CYLC1: variants seen among roughly 807,000 people sequenced by gnomAD.
CYLC1 encodes cylicin-1.
CYLC1 carries 2 observed loss-of-function variants against 31.6 expected under a neutral mutation model. That is an observed-to-expected ratio of 0.06 (90% confidence interval 0.03 to 0.20). CYLC1 has a LOEUF of 0.20. CYLC1 is among the 10% of genes least tolerant of loss of function. The pLI, the probability that CYLC1 is intolerant of heterozygous loss-of-function variation, is 1.00. For missense variants in CYLC1, 595 were observed against 424.1 expected, an observed-to-expected ratio of 1.40 and a Z score of -3.54; for synonymous variants, 185 against 153.0, an observed-to-expected ratio of 1.21 and a Z score of -1.54.
chrX:83,885,469 T>TTA (rs890852109), intron 4 of CYLC1, among the ~76,000 whole-genome samples: 7 of 109,179 alleles, frequency 6.4e-5, no homozygotes, highest in African/African-American at 1.6e-4. Context: ...AATGCGACTA[T>TTA]TATATATATA....
In CYLC1 at chrX:83,874,336, C is replaced by A. The variant is rs1179025590; in HGVS notation, c.1628C>A (p.Thr543Asn). Residue 543 changes from threonine to asparagine, a missense_variant, in exon 4 of 5, where the codon ACT becomes AAT. Physicochemically the swap from Thr to Asn is moderately conservative, Grantham distance 65 (BLOSUM62 0). Coordinates refer to ENST00000329312, the MANE Select transcript of CYLC1 (RefSeq NM_021118.3). ...KTSTKIKGSD[T>N]ESEESLYKPG... ...TCTACAAAAATCAAAGGTTCAGATA[C>A]TGAATCTGAAGAGTCACTATATAAA... 5 of 1,208,857 alleles carry A rather than the reference C, an allele frequency of 4.1e-6. No homozygotes were observed. Among genetic ancestry groups the A allele is most frequent in the African/African-American group, 3.5e-5 (2 of 57,566 alleles).
intron 4 of CYLC1, among the ~76,000 whole-genome samples, chrX:83,875,569 A>G (rs2031746212): frequency 9.0e-6 from 1 of 111,520 alleles, no homozygotes; most frequent in African/African-American, 3.3e-5. Flanking sequence ...TCCCGTTTTT[A>G]AAACCATCAG....
At chrX:83,869,529 C>G (rs760615320) in intron 1 of CYLC1, among the ~76,000 whole-genome samples, 1 of 110,758 alleles carries the variant, frequency 9.0e-6, no homozygotes, top group Non-Finnish European at 1.9e-5. Flanking sequence ...CCATCCATAG[C>G]CCTGCAAAGG....
intron 4 of CYLC1, among the ~76,000 whole-genome samples, chrX:83,877,780 A>C (rs1254877424): frequency 2.0e-5 from 2 of 100,291 alleles, no homozygotes; most frequent in Non-Finnish European, 4.0e-5. Context: ...CACTGAATTT[A>C]TATTTATATA....
intron 4 of CYLC1, among the ~76,000 whole-genome samples, chrX:83,880,573 T>TC (rs1170275932): frequency 9.0e-6 from 1 of 111,661 alleles, no homozygotes; most frequent in Non-Finnish European, 1.9e-5. Context: ...AGGATACTTT[T>TC]CCCCAAAAGT....
chrX:83,872,750 CACACAG>C (rs2031687604), intron 3 of CYLC1, 130 bp from the exon 4 acceptor site: 2 of 457,244 alleles, frequency 4.4e-6, no homozygotes, highest in Admixed American at 5.3e-5. Context: ...CACACACACA[CACACAG>C]ACACAACCTT....
At chrX:83,879,994 T>C (rs908893070) in intron 4 of CYLC1, among the ~76,000 whole-genome samples, 7 of 112,087 alleles carry the variant, frequency 6.2e-5, no homozygotes, top group Non-Finnish European at 1.3e-4. Flanking sequence ...AAATATCTTT[T>C]GAATGTTTGT....
Position 83,873,315 on chromosome X carries a change from T to C in CYLC1, c.607T>C (p.Ser203Pro). 8.3e-7 allele frequency: 1 copy of C among 1,202,217 alleles called. No individual in the cohort carries two copies. The highest frequency in any genetic ancestry group is 2.2e-5 in the Admixed American group (1 of 44,570). ...KNCSQKDKKDSKNSKKTNTEF... is the reference protein window; with the variant it reads ...KNCSQKDKKDPKNSKKTNTEF... ...TTGTTCACAAAAAGATAAGAAAGAT[T>C]CAAAGAATTCCAAGAAGACAAACAC... The change falls in exon 4 of 5, where the codon TCA (serine) becomes CCA (proline). Residue 203 changes from serine to proline, a missense_variant. By Grantham distance (74) the Ser-to-Pro change is moderately conservative. Transcript: ENST00000329312.
At chrX:83,883,295 T>A (rs2031937292) in intron 4 of CYLC1, among the ~76,000 whole-genome samples, 1 of 111,898 alleles carries the variant, frequency 8.9e-6, no homozygotes, top group South Asian at 3.7e-4. Context: ...AATTAACAAC[T>A]ATTTGTTGAC....
chrX:83,868,397 A>T (rs2031619210), intron 1 of CYLC1, among the ~76,000 whole-genome samples: 1 of 111,106 alleles, frequency 9.0e-6, no homozygotes, highest in African/African-American at 3.3e-5. Flanking sequence ...TAATAACTAG[A>T]TAACGGGAGC....
chrX:83,873,890 T>C lies in CYLC1; in HGVS notation c.1182T>C (p.Asp394=). The change falls in exon 4 of 5, where the codon GAT becomes GAC. Residue 394 remains aspartate (D), a synonymous_variant. Coordinates refer to ENST00000329312, the MANE Select transcript of CYLC1 (RefSeq NM_021118.3). ...ATTTGAAGAAAGCTTCAAAGAATGA[T>C]GACAAGAAAAAGGATGCAAAGAAAA... ...SRNLKKASKN[D]DKKKDAKKIT... is the part of the protein sequence containing the mutation. 12 of 1,197,283 alleles carry C rather than the reference T, an allele frequency of 1.0e-5. No homozygotes were observed. Among genetic ancestry groups the C allele is most frequent in the Non-Finnish European group, 1.2e-5 (11 of 886,970 alleles).
chrX:83,883,506 C>A (rs1308815641), intron 4 of CYLC1, among the ~76,000 whole-genome samples: 1 of 111,421 alleles, frequency 9.0e-6, no homozygotes, highest in Non-Finnish European at 1.9e-5. Context: ...AAGTTTTCAC[C>A]TAGGGAATAA....
chrX:83,878,492 T>TATAAATATAG (rs2031860486), intron 4 of CYLC1, among the ~76,000 whole-genome samples: 4 of 66,759 alleles, frequency 6.0e-5, no homozygotes, highest in African/African-American at 1.8e-4. Flanking sequence ...TATAAATATA[T>TATAAATATAG]ATATATTTTC....
chrX:83,877,729 G>A (rs1329766038), intron 4 of CYLC1, among the ~76,000 whole-genome samples: 1 of 103,443 alleles, frequency 9.7e-6, no homozygotes, highest in African/African-American at 3.5e-5. Flanking sequence ...CCACCACTAT[G>A]CAGTCACCCT....
At chrX:83,874,867 T>C (rs919163586) in intron 4 of CYLC1, among the ~76,000 whole-genome samples, 1 of 110,404 alleles carries the variant, frequency 9.1e-6, no homozygotes, top group African/African-American at 3.3e-5. Flanking sequence ...AAATGACTTG[T>C]GATTTAAGAA....
At chrX:83,862,667 C>T (rs1256700730) in intron 1 of CYLC1, among the ~76,000 whole-genome samples, 1 of 112,594 alleles carries the variant, frequency 8.9e-6, no homozygotes, top group Admixed American at 9.3e-5. Context: ...TTGATTCTGC[C>T]TACATCTGAT....
chrX:83,875,007 C>T (rs2031739116), intron 4 of CYLC1, among the ~76,000 whole-genome samples: 1 of 111,037 alleles, frequency 9.0e-6, no homozygotes, highest in African/African-American at 3.3e-5. Context: ...GATATAAAGA[C>T]ATTTCCTGAG....
chrX:83,880,426 A>G (rs2031892406), intron 4 of CYLC1, among the ~76,000 whole-genome samples: 1 of 111,282 alleles, frequency 9.0e-6, no homozygotes, highest in South Asian at 3.8e-4. Flanking sequence ...AGATGTCTTA[A>G]TGTCTTTCCC....
chrX:83,868,800 C>T (rs925358650), intron 1 of CYLC1, among the ~76,000 whole-genome samples: 1 of 110,786 alleles, frequency 9.0e-6, no homozygotes, highest in African/African-American at 3.3e-5. Context: ...TTTAAAATAA[C>T]TTGGTATATT....
Sources: allele counts gnomAD v4.1 joint callset (sites outside exome capture counted in the v4.1 genomes callset), GRCh38; gene constraint gnomAD v4.1.1; transcripts MANE v1.5; gene names NCBI Gene and HGNC (gene_info 2026-07-23, HGNC 2026-07-21).